Variants in MIOS observed in about 807,000 individuals in gnomAD.
MIOS encodes the protein meiosis regulator for oocyte development, also known as GATOR2 complex protein MIOS.
In MIOS, 52 loss-of-function variants were observed where a neutral mutation model predicts 96.9. That is an observed-to-expected ratio of 0.54 (90% confidence interval 0.43 to 0.68). The LOEUF is 0.68. Ranked by LOEUF, MIOS falls within the 30% of genes least tolerant of loss-of-function variation. The probability of loss-of-function intolerance (pLI) is 0.00; values close to 1 mark genes in which losing one functional copy is unlikely to be tolerated. For missense variants in MIOS, 1,005 were observed against 1,052.8 expected (o/e 0.95, Z 0.63); for synonymous variants, 397 against 359.5 (o/e 1.10, Z -1.18).
intron 11 of MIOS, among the ~76,000 whole-genome samples, chr7:7,600,529 T>C (rs1239437148): frequency 2.0e-5 from 3 of 152,176 alleles, no homozygotes; most frequent in Non-Finnish European, 4.4e-5. Context: ...ATCCTAAATA[T>C]ATATGCACCC....
chr7:7,586,150 ATGCACGTGTGTGTGTGTGTGTG>A (rs1783879471), intron 7 of MIOS, among the ~76,000 whole-genome samples: 1 of 126,766 alleles, frequency 7.9e-6, no homozygotes, highest in African/African-American at 3.1e-5. Context: ...CTGTGCACAC[ATGCACGTGTGTGTGTGTGTGTG>A]TGTGTGTGTG....
chr7:7,602,858 G>A (rs1784419741), intron 11 of MIOS, among the ~76,000 whole-genome samples: 1 of 152,064 alleles, frequency 6.6e-6, no homozygotes, highest in Non-Finnish European at 1.5e-5. Context: ...CATGGTACTG[G>A]TACCAAAACA....
rs771185846 is a variant in MIOS at position 7,573,746 on chromosome 7, A to G, written c.1271A>G (p.Lys424Arg). 6.8e-6 allele frequency: 11 copies of G among 1,609,732 alleles called. No individual in the cohort carries two copies. In the Admixed American group the frequency reaches 8.4e-5, roughly 12 times the overall value. ...ILAGNEDPQLKSLWYTLHFMK... is the reference protein window; with the variant it reads ...ILAGNEDPQLRSLWYTLHFMK... ...GCTGGAAATGAAGATCCACAGCTCA[A>G]GTCACTCTGGTATACTCTGCACTAT... The change falls in exon 4 of 13, where the codon AAG becomes AGG. Residue 424 changes from lysine to arginine, a missense_variant. Lys to Arg is a conservative substitution (Grantham distance 26). Transcript: ENST00000340080. This position sits in a 1 kb window ranked among gnomAD's most constrained non-coding sequence, Gnocchi z 5.0.
chr7:7,570,162 A>G (rs1383242074), intron 3 of MIOS, among the ~76,000 whole-genome samples: 2 of 152,352 alleles, frequency 1.3e-5, no homozygotes, highest in African/African-American at 2.4e-5. Flanking sequence ...GATATGTTGT[A>G]TACCTTAATT....
intron 11 of MIOS, among the ~76,000 whole-genome samples, chr7:7,602,796 A>G (rs1583660239): frequency 6.6e-6 from 1 of 152,098 alleles, no homozygotes; most frequent in East Asian, 1.9e-4. Flanking sequence ...AGCCGGAGGC[A>G]TCACACTACC....
chr7:7,588,744 T>G lies in MIOS; in HGVS notation c.1884+181T>G, dbSNP rs192559523. On this transcript the variant is annotated intron_variant, in intron 8 of 12. Transcript: ENST00000340080. ...TGTCTACCATAACTAAATTTATTTG[T>G]TTAGAATACTGACAATATTTTAGTA... Among the ~76,000 whole-genome samples, 459 of 152,286 alleles carry G rather than the reference T, an allele frequency of 3.0e-3. 6 individuals are homozygous for G. The highest frequency in any genetic ancestry group is 0.01 in the African/African-American group (434 of 41,580).
In MIOS at chr7:7,596,374, G is replaced by C. The variant is rs956854498; in HGVS notation, c.2314G>C (p.Val772Leu). The C allele has an allele frequency of 6.2e-7, 1 of 1,614,062 alleles. No homozygotes were observed. Among genetic ancestry groups the C allele is most frequent in the South Asian group, 1.1e-5 (1 of 91,090 alleles). The change falls in exon 11 of 13, where the codon GTC becomes CTC. Residue 772 changes from valine (V) to leucine (L), a missense_variant. Val to Leu is a conservative substitution (Grantham distance 32). Around this residue, in one of 3 missense-constraint regions of MIOS, gnomAD observed 865 missense variants for 887.9 expected, o/e 0.97. Coordinates refer to ENST00000340080, the MANE Select transcript of MIOS (RefSeq NM_019005.4). ...GVSGSPTKSK[V>L]TSCPGCRKPL... ...GAGTGGCTCACCAACGAAATCTAAA[G>C]TCACAAGTTGTCCTGGCTGTCGAAA...
chr7:7,595,230 A>C lies in MIOS; in HGVS notation c.2196+98A>C, dbSNP rs183354429. On this transcript the variant is annotated intron_variant, in intron 10 of 12. Coordinates refer to ENST00000340080, the MANE Select transcript of MIOS (RefSeq NM_019005.4). ...ATTATTTTGCTTATATTGAGTTCCC[A>C]TTGATGTCTTTGTCTTTTGTAGACT... The C allele has an allele frequency of 4.7e-5, 61 of 1,295,950 alleles. No homozygotes were observed. In the East Asian group the frequency reaches 1.5e-3, roughly 32 times the overall value. The allele number at this position is 1,295,950 out of a possible 1,614,324, so 80.3% of individuals were successfully genotyped here. A position where few individuals can be genotyped will look rare whatever the true frequency, so the allele number is the denominator to read the frequency against.
chr7:7,567,418 A>G (rs1458027630), intron 1 of MIOS, 189 bp from the exon 2 acceptor site: 1 of 152,008 alleles, frequency 6.6e-6, no homozygotes, highest in East Asian at 1.9e-4. Flanking sequence ...TTTACCTAGA[A>G]TAGCAACGTG....
At position 7,572,575 on chromosome 7, in the gene MIOS, G is replaced by C; in HGVS notation, c.100G>C (p.Val34Leu). ...ELSLYHVESTVNSELKAGSLR... is the reference protein window; with the variant it reads ...ELSLYHVESTLNSELKAGSLR... ...AAGTCTTTATCATGTGGAATCTACT[G>C]TGAATTCAGAACTCAAAGCTGGATC... Residue 34 changes from valine to leucine, a missense_variant, in exon 4 of 13, where the codon GTG (valine) becomes CTG (leucine). This residue lies in a region of MIOS where 137 missense variants were observed against 148.6 expected (regional missense o/e 0.92). Transcript: ENST00000340080. This position sits in a 1 kb window ranked among gnomAD's most constrained non-coding sequence, Gnocchi z 4.8. The C allele has an allele frequency of 6.2e-7, 1 of 1,614,056 alleles. No homozygotes were observed. Among genetic ancestry groups the C allele is most frequent in the Non-Finnish European group, 8.5e-7 (1 of 1,179,944 alleles).
chr7:7,597,517 T>TATATATATATAAAAAAA (rs372634070), intron 11 of MIOS, among the ~76,000 whole-genome samples: 1 of 70,428 alleles, frequency 1.4e-5, no homozygotes, highest in Admixed American at 1.8e-4. Context: ...TATATATATA[T>TATATATATATAAAAAAA]GAAGGCAATA....
Position 7,589,441 on chromosome 7 carries a change from A to G in MIOS, c.1921A>G (p.Lys641Glu). 1 of 1,613,674 alleles carries G rather than the reference A, an allele frequency of 6.2e-7. No individual in the cohort carries two copies. Among genetic ancestry groups the G allele is most frequent in the South Asian group, 1.1e-5 (1 of 91,052 alleles). ...CATCGAAAAGTTGACCAATGAAATGAAAGAGGCTGGAAATTTGGAAGGAAT... is the reference window on the plus strand; with the variant it reads ...CATCGAAAAGTTGACCAATGAAATGGAAGAGGCTGGAAATTTGGAAGGAAT... ...RYIEKLTNEMKEAGNLEGILL... is the reference protein window; with the variant it reads ...RYIEKLTNEMEEAGNLEGILL... The change falls in exon 9 of 13, where the codon AAA becomes GAA. Residue 641 changes from lysine to glutamate, a missense_variant. Around this residue, in one of 3 missense-constraint regions of MIOS, gnomAD observed 865 missense variants for 887.9 expected, o/e 0.97. Coordinates refer to ENST00000340080, the MANE Select transcript of MIOS (RefSeq NM_019005.4).
intron 5 of MIOS, among the ~76,000 whole-genome samples, chr7:7,582,326 G>A (rs1461600639): frequency 6.6e-6 from 1 of 152,008 alleles, no homozygotes; most frequent in East Asian, 1.9e-4. Flanking sequence ...AAACTTTCTA[G>A]AACATTTAAG....
chr7:7,574,569 A>G (rs1783465796), intron 5 of MIOS, among the ~76,000 whole-genome samples: 1 of 152,164 alleles, frequency 6.6e-6, no homozygotes, highest in Non-Finnish European at 1.5e-5. Context: ...AAAGATCTCT[A>G]ATTGAAGGAG....
intron 7 of MIOS, among the ~76,000 whole-genome samples, chr7:7,586,155 C>CGTGTGTGTGT (rs10527974): frequency 2.0e-4 from 30 of 149,938 alleles, no homozygotes; most frequent in Admixed American, 7.3e-4. Flanking sequence ...CACACATGCA[C>CGTGTGTGTGT]GTGTGTGTGT....
intron 5 of MIOS, among the ~76,000 whole-genome samples, chr7:7,577,755 C>A (rs773134147): frequency 1.3e-5 from 2 of 152,050 alleles, no homozygotes; most frequent in Non-Finnish European, 2.9e-5. Flanking sequence ...AGGGATTTCC[C>A]ATTTTATGGC....
Position 7,607,332 on chromosome 7 carries a change from T to C in MIOS, c.*240T>C, listed in dbSNP as rs1184577225. 6.4e-6 allele frequency: 2 copies of C among 313,290 alleles called. No homozygotes were observed. Among genetic ancestry groups the C allele is most frequent in the African/African-American group, 2.2e-5 (1 of 45,872 alleles). The allele number at this position is 313,290 out of a possible 1,614,324, so 19.4% of individuals were successfully genotyped here. ...GTTCTGTTCAGCAGGTTGAAAAGTC[T>C]GATTTAGAAAAACTTTCTAAGTTTT... On this transcript the variant is annotated 3_prime_UTR_variant, in exon 13 of 13. Transcript: ENST00000340080.
At chr7:7,585,610 A>G (rs1011389764) in intron 6 of MIOS, 26 bp from the exon 7 acceptor site, 1 of 1,555,212 alleles carries the variant, frequency 6.4e-7, no homozygotes, top group Non-Finnish European at 8.7e-7. Context: ...GATCACTTTG[A>G]TTAGCTGGCT....
intron 12 of MIOS, 106 bp downstream of exon 12, chr7:7,606,177 T>C: frequency 2.9e-6 from 4 of 1,390,086 alleles, no homozygotes; most frequent in Non-Finnish European, 2.9e-6. Flanking sequence ...AAAGTATGAA[T>C]TTTATTTTTT....
Sources: allele counts gnomAD v4.1 joint callset (sites outside exome capture counted in the v4.1 genomes callset), GRCh38; gene constraint gnomAD v4.1.1; regional missense constraint gnomAD v4.1.1; non-coding constraint Gnocchi (gnomAD v3.1); transcripts MANE v1.5; gene names NCBI Gene and HGNC (gene_info 2026-07-23, HGNC 2026-07-21).